Variants in LZTR1 observed in about 807,000 individuals in gnomAD.
LZTR1 encodes the protein leucine zipper like post translational regulator 1, also known as leucine-zipper-like transcriptional regulator 1.
In LZTR1, 260 loss-of-function variants were observed where a neutral mutation model predicts 105.7. That is an observed-to-expected ratio of 2.46 (90% confidence interval 2.22 to 2.72). The LOEUF (loss-of-function observed/expected upper bound fraction) is 2.72, where lower values mean the gene tolerates loss of function less well. Among genes scored for constraint, LZTR1 ranks in the 30% most tolerant of loss-of-function variants. The probability of loss-of-function intolerance (pLI) is 0.00; values close to 1 mark genes in which losing one functional copy is unlikely to be tolerated. For synonymous variants in LZTR1, 490 were observed against 476.4 expected (o/e 1.03, Z -0.37); for missense variants, 1,214 against 1,166.9 (o/e 1.04, Z -0.59).
intron 11 of LZTR1, 193 bp from the exon 12 acceptor site, chr22:20,993,469 G>T (rs1398680145): frequency 8.3e-6 from 5 of 598,838 alleles, no homozygotes; most frequent in Non-Finnish European, 1.5e-5. Flanking sequence ...ACAGTTGCAG[G>T]TGCTGAGGCT....
At chr22:20,992,009 C>T (rs1167543605) in intron 9 of LZTR1, among the ~76,000 whole-genome samples, 180 bp downstream of exon 9, 2 of 152,238 alleles carry the variant, frequency 1.3e-5, no homozygotes, top group Non-Finnish European at 2.9e-5. Flanking sequence ...CCCAGCTTCA[C>T]CCCACAGCCT....
At position 20,997,693 on chromosome 22, in the gene LZTR1, T is replaced by A. The variant is rs764620475; in HGVS notation, c.*345T>A. 4.1e-5 allele frequency: 9 copies of A among 218,784 alleles called. No homozygotes were observed. The highest frequency in any genetic ancestry group is 6.9e-5 in the African/African-American group (3 of 43,600). The allele number at this position is 218,784 out of a possible 1,614,324, so 13.6% of individuals were successfully genotyped here. A position where few individuals can be genotyped will look rare whatever the true frequency, so the allele number is the denominator to read the frequency against. Reference sequence around the variant, plus strand: ...CCACCCAGTGGGGCTTGGCCTGGCTTCTGTGGCCTGGGCGTGTTGTGGACT... The same window carrying A: ...CCACCCAGTGGGGCTTGGCCTGGCTACTGTGGCCTGGGCGTGTTGTGGACT... On this transcript the variant is annotated 3_prime_UTR_variant, in exon 21 of 21. Coordinates refer to ENST00000646124, the MANE Select transcript of LZTR1 (RefSeq NM_006767.4).
chr22:20,987,540 C>T lies in LZTR1; in HGVS notation c.357C>T (p.Tyr119=), dbSNP rs1482222775. The T allele has an allele frequency of 6.2e-7, 1 of 1,614,154 alleles. No homozygotes were observed. The highest frequency in any genetic ancestry group is 1.7e-5 in the Admixed American group (1 of 60,030). The change falls in exon 4 of 21, where the codon TAC becomes TAT. Residue 119 remains tyrosine (Y), a synonymous_variant. Transcript: ENST00000646124. ...CTGGGACCCCACCGGCCCCCCGTTA[C>T]CACCACTCGGCCGTCGTCTATGGGA... ...FTTGTPPAPR[Y]HHSAVVYGSS...
chr22:20,997,023 A>G lies in LZTR1; in HGVS notation c.2406+57A>G, dbSNP rs1019704966. ...CTTCCCCTTGGCAGTGGCCATGCCCAGGCAGGGAGGGTGCCCAGGCTCTGT... is the reference window on the plus strand; with the variant it reads ...CTTCCCCTTGGCAGTGGCCATGCCCGGGCAGGGAGGGTGCCCAGGCTCTGT... On this transcript the variant is annotated intron_variant, in intron 20 of 20. Coordinates refer to ENST00000646124, the MANE Select transcript of LZTR1 (RefSeq NM_006767.4). The G allele has an allele frequency of 1.9e-6, 3 of 1,570,846 alleles. No individual in the cohort carries two copies. The African/African-American group carries it at 4.1e-5, about 21-fold the overall frequency.
rs189150283 is a variant in LZTR1, at chr22:20,992,304, C to T, written c.1084C>T (p.Arg362Ter). 7.4e-5 allele frequency: 119 copies of T among 1,613,984 alleles called. No individual in the cohort carries two copies. Among genetic ancestry groups the T allele is most frequent in the Non-Finnish European group, 8.1e-5 (96 of 1,179,948 alleles). ...YEERVGFKKS[R>*]DVFGLDFGTT... Reference sequence around the variant, plus strand: ...GGAGCGGGTTGGCTTCAAGAAGTCCCGAGATGTGTTTGGCCTGGACTTTGG... The same window carrying T: ...GGAGCGGGTTGGCTTCAAGAAGTCCTGAGATGTGTTTGGCCTGGACTTTGG... The change falls in exon 10 of 21, where the codon CGA (arginine) becomes TGA (stop). Residue 362 changes from arginine to a stop codon, truncating the protein, a stop_gained. Transcript: ENST00000646124. LOFTEE classifies it high-confidence loss of function.
intron 18 of LZTR1, 35 bp from the exon 19 acceptor site, chr22:20,996,661 A>T: frequency 6.3e-7 from 1 of 1,590,340 alleles, no homozygotes; most frequent in Non-Finnish European, 8.6e-7. Flanking sequence ...CGGGCGGACC[A>T]GCTTCCTTTA....
Position 20,997,602 on chromosome 22 carries a change from G to C in LZTR1, c.*254G>C. The C allele has an allele frequency of 2.4e-6, 1 of 421,100 alleles. No individual in the cohort carries two copies. 26.1% of individuals were successfully genotyped at this position (421,100 alleles called of 1,614,324 possible). On this transcript the variant is annotated 3_prime_UTR_variant, in exon 21 of 21. Transcript: ENST00000646124. Reference sequence around the variant, plus strand: ...TGTCATCACCCTCTCCTGGTGTAGTGTGGATGCGAGGCCACGGCTCAGTGA... The same window carrying C: ...TGTCATCACCCTCTCCTGGTGTAGTCTGGATGCGAGGCCACGGCTCAGTGA...
chr22:20,995,899 G>C, intron 17 of LZTR1, 27 bp downstream of exon 17: 1 of 1,612,938 alleles, frequency 6.2e-7, no homozygotes, highest in Non-Finnish European at 8.5e-7. Context: ...CAGGAGGGGA[G>C]GGTGGGCCTG....
At chr22:20,997,167 C>T (rs769082874) in intron 20 of LZTR1, 65 bp from the exon 21 acceptor site, 8 of 1,229,124 alleles carry the variant, frequency 6.5e-6, no homozygotes, top group Non-Finnish European at 8.4e-6. Context: ...CCACAGGGCT[C>T]CACTGCCCAC....
Position 20,993,969 on chromosome 22 carries a change from AGCCGCTGGCTTCGCAGGAAGATCACGC to A in LZTR1, c.1400_1426del (p.Ser467_Gln476delinsLys). On this transcript the variant is annotated inframe_deletion, in exon 13 of 21. Coordinates refer to ENST00000646124, the MANE Select transcript of LZTR1 (RefSeq NM_006767.4). ...CCACGTAGCCATTGTCACAGCGCGG[AGCCGCTGGCTTCGCAGGAAGATCACGC>A]AGGCGCGGGAGAGGCTGGCCCAGGT... is the stretch of plus-strand genomic sequence containing the variant. 2 of 1,612,746 alleles carry A rather than the reference AGCCGCTGGCTTCGCAGGAAGATCACGC, an allele frequency of 1.2e-6. No individual in the cohort carries two copies. Among genetic ancestry groups the A allele is most frequent in the Non-Finnish European group, 1.7e-6 (2 of 1,179,896 alleles).
chr22:20,982,683 G>A, intron 1 of LZTR1, 112 bp downstream of exon 1: 1 of 1,043,448 alleles, frequency 9.6e-7, no homozygotes, highest in Non-Finnish European at 1.4e-6. Context: ...ATCTGGTAAT[G>A]AGGTGGATGG....
intron 2 of LZTR1, among the ~76,000 whole-genome samples, chr22:20,983,683 C>A (rs1222031295): frequency 6.6e-6 from 1 of 152,190 alleles, no homozygotes; most frequent in Non-Finnish European, 1.5e-5. Flanking sequence ...AAGGTCTGGC[C>A]TCTTACTGGC....
intron 7 of LZTR1, among the ~76,000 whole-genome samples, chr22:20,990,014 G>C (rs1924545904): frequency 6.6e-6 from 1 of 152,128 alleles, no homozygotes; most frequent in African/African-American, 2.4e-5. Flanking sequence ...CTTTATTTCA[G>C]TGCAGTGAGG....
chr22:20,986,060 C>T (rs1924369377), intron 3 of LZTR1, 163 bp downstream of exon 3: 3 of 705,702 alleles, frequency 4.3e-6, no homozygotes, highest in Non-Finnish European at 7.1e-6. Flanking sequence ...CAGAGCCGCC[C>T]TGTCAGGCTG....
intron 3 of LZTR1, 85 bp from the exon 4 acceptor site, chr22:20,987,419 G>A: frequency 4.1e-6 from 3 of 725,070 alleles, no homozygotes; most frequent in South Asian, 1.6e-5. Context: ...AAGAAAGGCA[G>A]CACAGGGATG....
Position 20,995,781 on chromosome 22 carries a change from G to C in LZTR1, c.1978G>C (p.Glu660Gln). ...GATCCAGGACATGAAGGCATACCTG[G>C]AGGGAGCGGGCGCGGAATTCTGTGA... ...SLIQDMKAYLEGAGAEFCDIT... is the reference protein window; with the variant it reads ...SLIQDMKAYLQGAGAEFCDIT... Residue 660 changes from glutamate to glutamine, a missense_variant, in exon 17 of 21, where the codon GAG becomes CAG. Coordinates refer to ENST00000646124, the MANE Select transcript of LZTR1 (RefSeq NM_006767.4). The C allele has an allele frequency of 6.2e-7, 1 of 1,613,650 alleles. No homozygotes were observed. Among genetic ancestry groups the C allele is most frequent in the Non-Finnish European group, 8.5e-7 (1 of 1,180,010 alleles).
chr22:20,994,389 G>C (rs967434825), intron 14 of LZTR1, 120 bp downstream of exon 14: 2 of 1,311,460 alleles, frequency 1.5e-6, no homozygotes, highest in African/African-American at 2.9e-5. Flanking sequence ...AGAGGCTGCA[G>C]GTCACCCTCC....
chr22:20,991,487 G>A, intron 8 of LZTR1, 141 bp from the exon 9 acceptor site: 6 of 678,594 alleles, frequency 8.8e-6, no homozygotes, highest in Middle Eastern at 4.1e-4. Context: ...CAGCGCAGGT[G>A]TCTAGGCCCT....
intron 3 of LZTR1, chr22:20,986,427 T>A (rs61036488): frequency 0.044 from 4,607 of 104,290 alleles, 104 homozygotes; most frequent in Non-Finnish European, 0.054. Flanking sequence ...GAAAGAAAGA[T>A]AGATAGATGA....
Sources: allele counts gnomAD v4.1 joint callset (sites outside exome capture counted in the v4.1 genomes callset), GRCh38; gene constraint gnomAD v4.1.1; transcripts MANE v1.5; gene names NCBI Gene and HGNC (gene_info 2026-07-23, HGNC 2026-07-21).